The following BIN1 variants were observed in gnomAD, a reference collection of about 807,000 sequenced individuals.
The protein encoded by BIN1 is myc box-dependent-interacting protein 1.
Under a neutral mutation model 82.0 loss-of-function variants are expected in BIN1, and 53 were observed. The ratio of observed to expected loss-of-function variants is 0.65; its 90% CI spans 0.52 to 0.81. BIN1 has a LOEUF of 0.81. BIN1 is among the 40% of genes least tolerant of loss of function. The pLI, the probability that BIN1 is intolerant of heterozygous loss-of-function variation, is 0.00. For missense variants in BIN1, 642 were observed against 784.4 expected (o/e 0.82, Z 2.17); for synonymous variants, 302 against 328.0 (o/e 0.92, Z 0.86).
chr2:127,062,005 C>T, intron 10 of BIN1, 110 bp downstream of exon 10: 1 of 1,340,440 alleles, frequency 7.5e-7, no homozygotes. Flanking sequence ...CCCTAGACCC[C>T]CAAGGCCAAA....
At chr2:127,052,904 A>G in intron 14 of BIN1, 1 of 253,078 alleles carries the variant, frequency 4.0e-6, no homozygotes, top group Non-Finnish European at 7.8e-6. Context: ...GTGCTGTGTG[A>G]GATGGCCTTG....
intron 1 of BIN1, among the ~76,000 whole-genome samples, chr2:127,086,557 G>C (rs1558865949): frequency 6.7e-6 from 1 of 149,530 alleles, no homozygotes; most frequent in Non-Finnish European, 1.5e-5. Flanking sequence ...GCCCAGGCTG[G>C]AGTGCAGTGG....
chr2:127,066,537 T>A (rs2105032710), intron 7 of BIN1, among the ~76,000 whole-genome samples: 1 of 152,318 alleles, frequency 6.6e-6, no homozygotes, highest in African/African-American at 2.4e-5. Context: ...CCGTCAGTAG[T>A]CCCATTCCCT....
chr2:127,060,484 C>T (rs950271741), intron 10 of BIN1: 79 of 1,518,670 alleles, frequency 5.2e-5, no homozygotes, highest in African/African-American at 6.9e-5. Context: ...CAGCACTGCA[C>T]ACAGAGCCAG....
rs1687407609 is a variant in BIN1, at chr2:127,082,344, G to A, written c.85-5638C>T. 6.6e-6 allele frequency among the ~76,000 whole-genome samples: 1 copy of A among 152,174 alleles called. No homozygotes were observed. Among genetic ancestry groups the A allele is most frequent in the African/African-American group, 2.4e-5 (1 of 41,446 alleles). On this transcript the variant is annotated intron_variant, in intron 1 of 18. Coordinates refer to ENST00000316724, the MANE Select transcript of BIN1 (RefSeq NM_139343.3). This position sits in a 1 kb window ranked among gnomAD's most constrained non-coding sequence, Gnocchi z 6.1. ...CTCATGCTCCAGGGGCCCCTGCAGG[G>A]GAGACAGAGGGCAGGATGGCCAGCT...
At chr2:127,097,219 G>T (rs1055563498) in intron 1 of BIN1, among the ~76,000 whole-genome samples, 1 of 152,204 alleles carries the variant, frequency 6.6e-6, no homozygotes, top group African/African-American at 2.4e-5. Flanking sequence ...CGTGCATACA[G>T]GGGCGCCCTA....
intron 1 of BIN1, among the ~76,000 whole-genome samples, chr2:127,079,018 G>A (rs1686973191): frequency 6.6e-6 from 1 of 152,170 alleles, no homozygotes; most frequent in African/African-American, 2.4e-5. Context: ...TCCACGCCCT[G>A]CCCTCCCTCT....
At chr2:127,085,247 C>A (rs763261868) in intron 1 of BIN1, among the ~76,000 whole-genome samples, 1 of 152,120 alleles carries the variant, frequency 6.6e-6, no homozygotes, top group African/African-American at 2.4e-5. Flanking sequence ...CCAGGGGCAC[C>A]GGGAAGTGAG....
chr2:127,058,624 G>A lies in BIN1; in HGVS notation c.1002+387C>T, dbSNP rs926874276. On this transcript the variant is annotated intron_variant, in intron 11 of 18. Transcript: ENST00000316724. The stretch of plus-strand genomic sequence containing the variant: ...GCTCCTCCCTCAGGCCCCTTTAAGA[G>A]AGAGAGGCCAGGAAGAGGGACAGGC... Among the ~76,000 whole-genome samples, 4 of 152,162 alleles carry A rather than the reference G, an allele frequency of 2.6e-5. No individual in the cohort carries two copies. The East Asian group carries it at 7.7e-4, about 29-fold the overall frequency.
At chr2:127,105,514 G>C (rs969060148) in intron 1 of BIN1, among the ~76,000 whole-genome samples, 2 of 132,180 alleles carry the variant, frequency 1.5e-5, no homozygotes, top group African/African-American at 2.7e-5. Context: ...TCCCTGGGGT[G>C]GGGGGTTGGG....
At chr2:127,106,714 G>T in intron 1 of BIN1, 146 bp downstream of exon 1, 2 of 994,492 alleles carry the variant, frequency 2.0e-6, no homozygotes, top group Non-Finnish European at 2.9e-6. Flanking sequence ...TGGGGACCTC[G>T]AAGCCCCTCG....
In BIN1 at chr2:127,069,985, G is replaced by T; in HGVS notation, c.411+10C>A. On this transcript the variant is annotated intron_variant, in intron 5 of 18. Coordinates refer to ENST00000316724, the MANE Select transcript of BIN1 (RefSeq NM_139343.3). ...CCAGAGCAGGGCAGATCTGCAAGTG[G>T]GTCTCTCACCTTGATGTCGGGGAAC... 2 of 1,613,660 alleles carry T rather than the reference G, an allele frequency of 1.2e-6. No individual in the cohort carries two copies. The highest frequency in any genetic ancestry group is 1.7e-6 in the Non-Finnish European group (2 of 1,179,608).
chr2:127,106,814 C>CGCGGCGGCTGGGACTCCGCGGCTGCTGGG (rs766123972), intron 1 of BIN1, 46 bp downstream of exon 1: 3 of 1,559,554 alleles, frequency 1.9e-6, no homozygotes, highest in Non-Finnish European at 2.6e-6. Context: ...GCCGGGGCTC[C>CGCGGCGGCTGGGACTCCGCGGCTGCTGGG]GCGGCGGCTG....
At chr2:127,100,065 A>G (rs574557395) in intron 1 of BIN1, among the ~76,000 whole-genome samples, 1 of 152,268 alleles carries the variant, frequency 6.6e-6, no homozygotes, top group East Asian at 1.9e-4. Flanking sequence ...CGGCCTCCCA[A>G]AGTGCTGGGG....
intron 1 of BIN1, among the ~76,000 whole-genome samples, chr2:127,100,525 C>A (rs1390517837): frequency 6.6e-6 from 1 of 152,216 alleles, no homozygotes; most frequent in African/African-American, 2.4e-5. Context: ...GTCACACAAC[C>A]ACTCCAGCTT....
chr2:127,069,751 CACA>C (rs1685630566), intron 5 of BIN1, among the ~76,000 whole-genome samples: 1 of 152,074 alleles, frequency 6.6e-6, no homozygotes, highest in Non-Finnish European at 1.5e-5. Flanking sequence ...CACACACACA[CACA>C]CACACACACA....
intron 12 of BIN1, chr2:127,055,665 C>T (rs1325063332): frequency 6.6e-6 from 1 of 152,132 alleles, no homozygotes; most frequent in African/African-American, 2.4e-5. Flanking sequence ...CCAACCCAGG[C>T]AGCAATATCC....
In BIN1 at chr2:127,068,359, C is replaced by T. The variant is rs1240494651; in HGVS notation, c.520-104G>A. 11 of 876,512 alleles carry T rather than the reference C, an allele frequency of 1.3e-5. No homozygotes were observed. The highest frequency in any genetic ancestry group is 3.1e-5 in the South Asian group (2 of 64,828). 54.3% of individuals were successfully genotyped at this position (876,512 alleles called of 1,614,324 possible). A position where few individuals can be genotyped will look rare whatever the true frequency, so the allele number is the denominator to read the frequency against. On this transcript the variant is annotated intron_variant, in intron 6 of 18. Coordinates refer to ENST00000316724, the MANE Select transcript of BIN1 (RefSeq NM_139343.3). This position sits in a 1 kb window ranked among gnomAD's most constrained non-coding sequence, Gnocchi z 4.9. ...AATGCAGGTCCACACGCCCCACGCGCGGGGGCCACCCCAAGCAGATATGGG... is the reference window on the plus strand; with the variant it reads ...AATGCAGGTCCACACGCCCCACGCGTGGGGGCCACCCCAAGCAGATATGGG...
At position 127,082,713 on chromosome 2, in the gene BIN1, C is replaced by A. The variant is rs1186014368; in HGVS notation, c.85-6007G>T. On this transcript the variant is annotated intron_variant, in intron 1 of 18. Coordinates refer to ENST00000316724, the MANE Select transcript of BIN1 (RefSeq NM_139343.3). This position sits in a 1 kb window ranked among gnomAD's most constrained non-coding sequence, Gnocchi z 6.1. ...CTCCTCCAAGCCCATCTCTCAAATG[C>A]GAGCTGTCCCTGCAACCAGACACAC... Among the ~76,000 whole-genome samples, 1 of 152,170 alleles carries A rather than the reference C, an allele frequency of 6.6e-6. No homozygotes were observed. Among genetic ancestry groups the A allele is most frequent in the Admixed American group, 6.5e-5 (1 of 15,286 alleles).
Sources: allele counts gnomAD v4.1 joint callset (sites outside exome capture counted in the v4.1 genomes callset), GRCh38; gene constraint gnomAD v4.1.1; non-coding constraint Gnocchi (gnomAD v3.1); transcripts MANE v1.5; gene names NCBI Gene and HGNC (gene_info 2026-07-23, HGNC 2026-07-21).